The following SAMMSON variants were observed in gnomAD, a reference collection of about 807,000 sequenced individuals.
The protein encoded by SAMMSON is survival associated mitochondrial melanoma specific oncogenic non-coding RNA, also known as long intergenic non-protein coding RNA 1212.
chr3:70,303,864 G>A (rs1321964231), intron 7 of SAMMSON, among the ~76,000 whole-genome samples: 21 of 151,918 alleles, frequency 1.4e-4, no homozygotes, highest in Admixed American at 1.3e-3. Flanking sequence ...TGTATTTTTA[G>A]TAGAGATGGA....
intron 4 of SAMMSON, among the ~76,000 whole-genome samples, chr3:70,229,438 G>A (rs925322519): frequency 2.0e-5 from 3 of 152,144 alleles, no homozygotes; most frequent in African/African-American, 7.2e-5. Flanking sequence ...TGGTGACAGA[G>A]ACTAGCTAGA....
intron 4 of SAMMSON, among the ~76,000 whole-genome samples, chr3:70,078,709 A>G (rs1258441109): frequency 2.6e-5 from 4 of 151,980 alleles, no homozygotes; most frequent in African/African-American, 9.7e-5. Context: ...GGTTCAGATG[A>G]CTCCGTAACA....
At chr3:70,074,713 C>T (rs924006511) in intron 4 of SAMMSON, among the ~76,000 whole-genome samples, 2 of 152,054 alleles carry the variant, frequency 1.3e-5, no homozygotes, top group African/African-American at 2.4e-5. Flanking sequence ...AGATAGCCTC[C>T]TCTCTGGTTT....
intron 4 of SAMMSON, among the ~76,000 whole-genome samples, chr3:70,152,817 A>T (rs2067577035): frequency 6.6e-6 from 1 of 152,000 alleles, no homozygotes; most frequent in Non-Finnish European, 1.5e-5. Context: ...ATGAATTGGA[A>T]AGTTAGAGCT....
intron 4 of SAMMSON, among the ~76,000 whole-genome samples, chr3:70,181,236 C>T (rs1421932327): frequency 1.3e-5 from 2 of 152,202 alleles, no homozygotes; most frequent in Non-Finnish European, 1.5e-5. Flanking sequence ...CCAATTTTCT[C>T]ACTCTTGAAA....
intron 3 of SAMMSON, among the ~76,000 whole-genome samples, chr3:70,054,636 T>A (rs1311555408): frequency 2.0e-5 from 3 of 152,092 alleles, no homozygotes; most frequent in Non-Finnish European, 2.9e-5. Context: ...AAGGATGAGT[T>A]TCTATCATCC....
chr3:70,334,712 C>A (rs1702648917), intron 7 of SAMMSON, among the ~76,000 whole-genome samples: 1 of 152,042 alleles, frequency 6.6e-6, no homozygotes, highest in African/African-American at 2.4e-5. Flanking sequence ...CTCATTTTTA[C>A]AGTTGAAGAA....
At chr3:70,334,713 A>C (rs1702648938) in intron 7 of SAMMSON, among the ~76,000 whole-genome samples, 1 of 152,092 alleles carries the variant, frequency 6.6e-6, no homozygotes, top group Non-Finnish European at 1.5e-5. Flanking sequence ...TCATTTTTAC[A>C]GTTGAAGAAG....
In SAMMSON at chr3:70,434,481, C is replaced by A. The variant is rs1007739925; in HGVS notation, n.234-28079C>A. Among the ~76,000 whole-genome samples the A allele has an allele frequency of 4.6e-5, 7 of 152,136 alleles. No individual in the cohort carries two copies. The South Asian group carries it at 8.3e-4, about 18-fold the overall frequency. ...GTACATTAATCTTATTCCCTGCAAA[C>A]TTGCTGTAATCACTTATTAGTTCCA... On this transcript the variant is annotated intron_variant and non_coding_transcript_variant, in intron 2 of 3. Transcript: ENST00000641053.
chr3:70,172,238 C>G (rs1172345543), intron 4 of SAMMSON: 1 of 150,304 alleles, frequency 6.7e-6, no homozygotes, highest in Non-Finnish European at 1.5e-5. Context: ...AACAGATTTT[C>G]CCCCCAAATT....
intron 4 of SAMMSON, among the ~76,000 whole-genome samples, chr3:70,198,697 T>C (rs1388762673): frequency 6.6e-6 from 1 of 152,172 alleles, no homozygotes; most frequent in Non-Finnish European, 1.5e-5. Flanking sequence ...CATATATTGT[T>C]GCAGGTGCTG....
chr3:70,045,012 A>AT (rs1335292479), intron 3 of SAMMSON, among the ~76,000 whole-genome samples: 31 of 130,738 alleles, frequency 2.4e-4, no homozygotes, highest in Non-Finnish European at 4.2e-4. Context: ...AATTATATAT[A>AT]TATAATTAAT....
intron 1 of SAMMSON, among the ~76,000 whole-genome samples, chr3:70,005,538 G>A (rs962478911): frequency 2.6e-5 from 4 of 152,092 alleles, no homozygotes; most frequent in Non-Finnish European, 5.9e-5. Flanking sequence ...AGCTCTTAAA[G>A]GCCTCTTGAA....
intron 7 of SAMMSON, among the ~76,000 whole-genome samples, chr3:70,310,272 CCTA>C (rs1345176996): frequency 6.6e-6 from 1 of 151,944 alleles, no homozygotes; most frequent in Non-Finnish European, 1.5e-5. Context: ...GAGATAATGT[CCTA>C]CTATTAAAAT....
intron 3 of SAMMSON, among the ~76,000 whole-genome samples, chr3:70,060,739 A>G (rs1357346387): frequency 6.6e-6 from 1 of 152,128 alleles, no homozygotes; most frequent in Non-Finnish European, 1.5e-5. Context: ...ATCTGGCCCA[A>G]CATGTCAATA....
At chr3:70,112,725 T>C (rs577905345) in intron 4 of SAMMSON, among the ~76,000 whole-genome samples, 255 of 152,308 alleles carry the variant, frequency 1.7e-3, no homozygotes, top group African/African-American at 5.7e-3. Flanking sequence ...ACAGTAAATA[T>C]GAATGAATAA....
At chr3:70,243,891 T>C (rs1360322454) in intron 4 of SAMMSON, among the ~76,000 whole-genome samples, 2 of 152,198 alleles carry the variant, frequency 1.3e-5, no homozygotes, top group Non-Finnish European at 2.9e-5. Flanking sequence ...GAGAAAATAC[T>C]GTAATAATTG....
intron 7 of SAMMSON, among the ~76,000 whole-genome samples, chr3:70,327,244 G>A (rs953520488): frequency 6.6e-5 from 10 of 152,172 alleles, no homozygotes; most frequent in African/African-American, 9.7e-5. Context: ...GGAGTAAGAA[G>A]AACCGATTTG....
At chr3:70,374,771 G>A (rs1349213088) in intron 9 of SAMMSON, among the ~76,000 whole-genome samples, 1 of 152,134 alleles carries the variant, frequency 6.6e-6, no homozygotes, top group African/African-American at 2.4e-5. Flanking sequence ...CTTCACAGTT[G>A]GCATTTGCTG....
Sources: allele counts gnomAD v4.1 joint callset (sites outside exome capture counted in the v4.1 genomes callset), GRCh38; gene constraint gnomAD v4.1.1; transcripts MANE v1.5; gene names NCBI Gene and HGNC (gene_info 2026-07-23, HGNC 2026-07-21).